Variants in SLC25A48 observed in about 807,000 individuals in gnomAD.
SLC25A48 encodes solute carrier family 25 member 48.
Under a neutral mutation model 32.2 loss-of-function variants are expected in SLC25A48, and 29 were observed. The observed-to-expected ratio is 0.90, with a 90% CI of 0.67 to 1.23. SLC25A48 has a LOEUF of 1.23. Ranked by LOEUF, SLC25A48 falls within the 50% of genes most tolerant of loss-of-function variation. The probability of loss-of-function intolerance (pLI) is 0.00; values close to 1 mark genes in which losing one functional copy is unlikely to be tolerated. For synonymous variants in SLC25A48, 164 were observed against 172.3 expected (o/e 0.95, Z 0.38); for missense variants, 399 against 422.7 (o/e 0.94, Z 0.49).
intron 3 of SLC25A48, among the ~76,000 whole-genome samples, chr5:135,731,352 A>G (rs1755217139): frequency 6.6e-6 from 1 of 152,218 alleles, no homozygotes; most frequent in Non-Finnish European, 1.5e-5. Flanking sequence ...CACAGGGGAT[A>G]TGATGGCTTA....
chr5:135,779,614 T>C (rs2126620205), intron 3 of SLC25A48, among the ~76,000 whole-genome samples: 1 of 117,332 alleles, frequency 8.5e-6, no homozygotes, highest in African/African-American at 2.6e-5. Flanking sequence ...TACATAATAT[T>C]GTTTTTAATA....
chr5:135,661,369 G>A (rs1488120153), intron 3 of SLC25A48, among the ~76,000 whole-genome samples: 1 of 152,170 alleles, frequency 6.6e-6, no homozygotes, highest in Non-Finnish European at 1.5e-5. Flanking sequence ...ACAGTAATGG[G>A]GTTGACAACT....
At chr5:135,878,775 A>G (rs1362136172) in intron 6 of SLC25A48, among the ~76,000 whole-genome samples, 1 of 152,200 alleles carries the variant, frequency 6.6e-6, no homozygotes, top group Non-Finnish European at 1.5e-5. Flanking sequence ...GTAGGTTTCT[A>G]TCTGTGCCTG....
chr5:135,690,571 C>G (rs1254456851), intron 3 of SLC25A48, among the ~76,000 whole-genome samples: 1 of 152,184 alleles, frequency 6.6e-6, no homozygotes, highest in Non-Finnish European at 1.5e-5. Context: ...ATTTGCAGCC[C>G]CCACCTGTCC....
chr5:135,814,536 G>T (rs950420473), intron 4 of SLC25A48, among the ~76,000 whole-genome samples: 8 of 152,126 alleles, frequency 5.3e-5, no homozygotes, highest in African/African-American at 1.7e-4. Flanking sequence ...CATCAGAAAG[G>T]CTAGTGTCCC....
chr5:135,877,880 G>C (rs1294224788), intron 6 of SLC25A48, among the ~76,000 whole-genome samples: 1 of 152,190 alleles, frequency 6.6e-6, no homozygotes, highest in Non-Finnish European at 1.5e-5. Flanking sequence ...TCCAGGCAGA[G>C]GGGACCAGAA....
At chr5:135,626,579 T>C (rs760442948) in intron 1 of SLC25A48, among the ~76,000 whole-genome samples, 21 of 152,252 alleles carry the variant, frequency 1.4e-4, no homozygotes, top group Non-Finnish European at 2.5e-4. Flanking sequence ...TGTGTGTGTG[T>C]GCTTGCATAC....
intron 1 of SLC25A48, among the ~76,000 whole-genome samples, chr5:135,626,896 C>G (rs1752452316): frequency 6.6e-6 from 1 of 152,186 alleles, no homozygotes; most frequent in Non-Finnish European, 1.5e-5. Context: ...GCTCCTTGAT[C>G]AGTGACTGAC....
chr5:135,834,014 G>C (rs900699223), upstream of SLC25A48, among the ~76,000 whole-genome samples: 2 of 152,198 alleles, frequency 1.3e-5, no homozygotes, highest in Non-Finnish European at 2.9e-5. Flanking sequence ...CTAGCAGAAC[G>C]CTGGGGGGCT....
At chr5:135,615,703 T>A (rs1012210185) in intron 1 of SLC25A48, among the ~76,000 whole-genome samples, 6 of 151,898 alleles carry the variant, frequency 4.0e-5, no homozygotes, top group African/African-American at 1.4e-4. Context: ...ATAGTTTGCA[T>A]AACTGAAGTT....
intron 2 of SLC25A48, among the ~76,000 whole-genome samples, chr5:135,844,204 G>A (rs534309657): frequency 2.6e-5 from 4 of 152,300 alleles, no homozygotes; most frequent in East Asian, 3.9e-4. Flanking sequence ...ACCTCAGCAC[G>A]GGGCTGGGCA....
In SLC25A48 at chr5:135,852,550, G is replaced by A; in HGVS notation, c.163-13G>A. Reference sequence around the variant, plus strand: ...GGGGTCCTCACGCCTCTTCCTTCTGGTTTTCACTGCAGATGTTCGGCTTCT... The same window carrying A: ...GGGGTCCTCACGCCTCTTCCTTCTGATTTTCACTGCAGATGTTCGGCTTCT... On this transcript the variant is annotated splice_polypyrimidine_tract_variant and intron_variant, in intron 3 of 7. Coordinates refer to ENST00000681962, the MANE Select transcript of SLC25A48 (RefSeq NM_001349336.2). The A allele has an allele frequency of 6.3e-7, 1 of 1,586,056 alleles. No homozygotes were observed.
chr5:135,756,355 A>G (rs1356168487), intron 3 of SLC25A48, among the ~76,000 whole-genome samples: 2 of 152,098 alleles, frequency 1.3e-5, no homozygotes, highest in African/African-American at 4.8e-5. Flanking sequence ...CATCTATATG[A>G]TATTTACAAT....
At chr5:135,706,206 G>A (rs898206076) in intron 3 of SLC25A48, among the ~76,000 whole-genome samples, 2 of 152,210 alleles carry the variant, frequency 1.3e-5, no homozygotes, top group Non-Finnish European at 1.5e-5. Flanking sequence ...TGGGCAGCCA[G>A]GAGGGAGATG....
intron 3 of SLC25A48, among the ~76,000 whole-genome samples, chr5:135,647,156 A>G (rs1752983551): frequency 6.6e-6 from 1 of 152,156 alleles, no homozygotes; most frequent in African/African-American, 2.4e-5. Flanking sequence ...CTGTACCTCA[A>G]TAAAACTAGA....
intron 3 of SLC25A48, among the ~76,000 whole-genome samples, chr5:135,774,946 A>G (rs1354983085): frequency 6.6e-6 from 1 of 151,326 alleles, no homozygotes; most frequent in African/African-American, 2.4e-5. Flanking sequence ...GGATGATACT[A>G]CTCCCAGTAT....
At chr5:135,788,747 C>T (rs1756928164) in intron 3 of SLC25A48, among the ~76,000 whole-genome samples, 1 of 150,638 alleles carries the variant, frequency 6.6e-6, no homozygotes, top group African/African-American at 2.4e-5. Flanking sequence ...ACCCCCCTGC[C>T]ATACGATCCG....
At chr5:135,675,910 C>A (rs1019228305) in intron 3 of SLC25A48, among the ~76,000 whole-genome samples, 1 of 151,682 alleles carries the variant, frequency 6.6e-6, no homozygotes, top group Non-Finnish European at 1.5e-5. Context: ...TTGTAGTGAT[C>A]TTTCACTTCC....
intron 7 of SLC25A48, among the ~76,000 whole-genome samples, chr5:135,881,325 A>C (rs1762458062): frequency 6.6e-6 from 1 of 152,198 alleles, no homozygotes. Context: ...TGGCAGGGGC[A>C]TTCTCGGGAC....
Sources: allele counts gnomAD v4.1 joint callset (sites outside exome capture counted in the v4.1 genomes callset), GRCh38; gene constraint gnomAD v4.1.1; transcripts MANE v1.5; gene names NCBI Gene and HGNC (gene_info 2026-07-23, HGNC 2026-07-21).